CNNM2: variants seen among roughly 807,000 people sequenced by gnomAD.
CNNM2 encodes the protein cyclin and CBS domain divalent metal cation transport mediator 2.
CNNM2 carries 12 observed loss-of-function variants against 66.9 expected under a neutral mutation model. That is an observed-to-expected ratio of 0.18 (90% confidence interval 0.11 to 0.29). CNNM2 has a LOEUF of 0.29. Among genes scored for constraint, CNNM2 ranks in the 10% least tolerant of loss-of-function variants. CNNM2 has a pLI of 1.00. For synonymous variants in CNNM2, 557 were observed against 501.8 expected, an observed-to-expected ratio of 1.11 and a Z score of -1.47; for missense variants, 705 against 1,167.7, an observed-to-expected ratio of 0.60 and a Z score of 5.77.
intron 1 of CNNM2, among the ~76,000 whole-genome samples, chr10:103,011,087 G>A (rs1334026749): frequency 2.6e-5 from 4 of 152,168 alleles, no homozygotes; most frequent in East Asian, 1.9e-4. Flanking sequence ...ACCACAATGC[G>A]TAGCATGTGG....
intron 1 of CNNM2, among the ~76,000 whole-genome samples, chr10:103,041,614 C>T (rs2065041912): frequency 6.6e-6 from 1 of 152,214 alleles, no homozygotes; most frequent in Admixed American, 6.5e-5. Flanking sequence ...ATGTCACTTA[C>T]ACTGTGGCCC....
intron 3 of CNNM2, 94 bp from the exon 4 acceptor site, chr10:103,056,701 A>C: frequency 8.4e-7 from 1 of 1,195,864 alleles, no homozygotes; most frequent in Non-Finnish European, 1.2e-6. Context: ...CTTTGATTCC[A>C]AGTATTCTTA....
chr10:103,079,658 G>C lies in CNNM2; in HGVS notation c.*2478G>C, dbSNP rs1387785263. 6.6e-6 allele frequency: 1 copy of C among 152,200 alleles called. No individual in the cohort carries two copies. The highest frequency in any genetic ancestry group is 2.4e-5 in the African/African-American group (1 of 41,436). 9.4% of individuals were successfully genotyped at this position (152,200 alleles called of 1,614,324 possible). A position where few individuals can be genotyped will look rare whatever the true frequency, so the allele number is the denominator to read the frequency against. On this transcript the variant is annotated 3_prime_UTR_variant, in exon 8 of 8. Transcript: ENST00000369878. ...TATTCTCTTATAAAAGAGCTCGGCA[G>C]GAGTGGCATCAGTGAGGCTCCCAAA...
chr10:102,963,857 G>A (rs1455316147), intron 1 of CNNM2, among the ~76,000 whole-genome samples: 1 of 152,136 alleles, frequency 6.6e-6, no homozygotes, highest in African/African-American at 2.4e-5. Flanking sequence ...AAAGGGACAG[G>A]CACAATGTAT....
In CNNM2 at chr10:103,049,857, A is replaced by G. The variant is rs781608944; in HGVS notation, c.1765+7A>G. 58 of 1,612,064 alleles carry G rather than the reference A, an allele frequency of 3.6e-5. No individual in the cohort carries two copies. The highest frequency in any genetic ancestry group is 4.9e-5 in the Non-Finnish European group (58 of 1,178,790). ...GATGAAACAGATTTATACAGTAAGT[A>G]GCATTGTCTGAGTGTATTTCCCGAA... On this transcript the variant is annotated splice_region_variant and intron_variant, in intron 2 of 7. Coordinates refer to ENST00000369878, the MANE Select transcript of CNNM2 (RefSeq NM_017649.5).
At chr10:102,979,313 T>A (rs2063684584) in intron 1 of CNNM2, among the ~76,000 whole-genome samples, 1 of 152,228 alleles carries the variant, frequency 6.6e-6, no homozygotes, top group South Asian at 2.1e-4. Flanking sequence ...CAATAATAGC[T>A]GAAATTCTTA....
At chr10:102,946,600 CA>C (rs2134185903) in intron 1 of CNNM2, among the ~76,000 whole-genome samples, 1 of 152,170 alleles carries the variant, frequency 6.6e-6, no homozygotes, top group East Asian at 1.9e-4. Flanking sequence ...CCTGCTTGTG[CA>C]ACTCCTTTGA....
chr10:102,925,000 A>G (rs1454265041), intron 1 of CNNM2, among the ~76,000 whole-genome samples: 1 of 152,158 alleles, frequency 6.6e-6, no homozygotes, highest in East Asian at 1.9e-4. Context: ...TTACCTGATG[A>G]TAAGATTTAC....
At chr10:103,051,511 C>T (rs940156493) in intron 2 of CNNM2, among the ~76,000 whole-genome samples, 3 of 151,694 alleles carry the variant, frequency 2.0e-5, no homozygotes, top group Admixed American at 6.6e-5. Context: ...GAGGCCGAGG[C>T]GGGTGGATCA....
At chr10:102,954,778 T>TGGGGACTTCAA (rs1846973330) in intron 1 of CNNM2, among the ~76,000 whole-genome samples, 1 of 152,028 alleles carries the variant, frequency 6.6e-6, no homozygotes, top group Admixed American at 6.6e-5. Context: ...TGGCTGGAGG[T>TGGGGACTTCAA]GGGGACTTCA....
rs1372726569 is a variant in CNNM2, at chr10:103,089,744, T to G, written c.*12564T>G. ...AGTGTGTAATTTCCTGGGGGGCCAG[T>G]GGGAAGAGGTTGGGAGGTTTAATCT... On this transcript the variant is annotated 3_prime_UTR_variant, in exon 8 of 8. Coordinates refer to ENST00000369878, the MANE Select transcript of CNNM2 (RefSeq NM_017649.5). The G allele has an allele frequency of 6.2e-7, 1 of 1,613,820 alleles. No homozygotes were observed. The highest frequency in any genetic ancestry group is 1.7e-5 in the Admixed American group (1 of 59,964).
intron 1 of CNNM2, among the ~76,000 whole-genome samples, chr10:102,973,283 C>CTT (rs1030712708): frequency 2.0e-5 from 3 of 147,326 alleles, no homozygotes; most frequent in South Asian, 4.3e-4. Flanking sequence ...TATGCAATAA[C>CTT]TTTTTTTTTT....
intron 1 of CNNM2, among the ~76,000 whole-genome samples, chr10:102,965,352 G>A (rs1019386673): frequency 6.6e-6 from 1 of 152,130 alleles, no homozygotes; most frequent in African/African-American, 2.4e-5. Context: ...CTGGCTTATA[G>A]TTCCTAAAAT....
chr10:102,971,567 T>A (rs1215700696), intron 1 of CNNM2, among the ~76,000 whole-genome samples: 2 of 152,246 alleles, frequency 1.3e-5, no homozygotes, highest in Non-Finnish European at 2.9e-5. Context: ...GTTTTGTGGC[T>A]GTTTTTTTCA....
At position 103,076,116 on chromosome 10, in the gene CNNM2, G is replaced by T; in HGVS notation, c.2264G>T (p.Gly755Val). 3.1e-6 allele frequency: 5 copies of T among 1,612,178 alleles called. No homozygotes were observed. Among genetic ancestry groups the T allele is most frequent in the Non-Finnish European group, 4.2e-6 (5 of 1,179,226 alleles). Residue 755 changes from glycine (G) to valine (V), a missense_variant, in exon 7 of 8, where the codon GGC becomes GTC. Gly to Val is a moderately radical substitution (Grantham distance 109). This residue lies in a region of CNNM2 where 194 missense variants were observed against 227.6 expected (regional missense o/e 0.85). Transcript: ENST00000369878. ...AATAAGTCCCCTCCTCGCCCATGTG[G>T]CTTGAATCACTCAGACTCTCTCAGT... The part of the protein sequence containing the change: ...GENKSPPRPC[G>V]LNHSDSLSRS...
At chr10:102,984,609 G>A (rs539444761) in intron 1 of CNNM2, among the ~76,000 whole-genome samples, 33 of 152,220 alleles carry the variant, frequency 2.2e-4, no homozygotes, top group African/African-American at 7.2e-4. Context: ...CTAGATATTT[G>A]ACAATCTAAG....
intron 3 of CNNM2, 46 bp from the exon 4 acceptor site, chr10:103,056,749 C>A (rs779487243): frequency 1.9e-6 from 3 of 1,545,596 alleles, no homozygotes; most frequent in East Asian, 2.3e-5. Context: ...TATAATTTTT[C>A]TCTCTCTGTT....
chr10:103,025,885 T>C (rs972893630), intron 1 of CNNM2, among the ~76,000 whole-genome samples: 1 of 152,358 alleles, frequency 6.6e-6, no homozygotes, highest in East Asian at 1.9e-4. Context: ...TGAATGTGTC[T>C]CACAAAGTTC....
intron 1 of CNNM2, among the ~76,000 whole-genome samples, chr10:102,976,374 C>G (rs2063628614): frequency 6.8e-6 from 1 of 148,038 alleles, no homozygotes. Flanking sequence ...AGGTGCCCAC[C>G]TTGGTACTGT....
Sources: gnomAD v4.1 joint callset for allele counts (sites outside exome capture counted in the v4.1 genomes callset) on GRCh38, gnomAD v4.1.1 for gene constraint, gnomAD v4.1.1 regional missense constraint, MANE v1.5 for transcripts, NCBI Gene and HGNC (gene_info 2026-07-23, HGNC 2026-07-21) for gene names.